The following MUC12 variants were observed in gnomAD, a reference collection of about 807,000 sequenced individuals.
MUC12 encodes mucin 12, cell surface associated, also known as mucin-12.
MUC12 carries 172 observed loss-of-function variants against 230.8 expected under a neutral mutation model. The ratio of observed to expected loss-of-function variants is 0.75; its 90% confidence interval spans 0.66 to 0.85. MUC12 has a LOEUF of 0.85. Ranked by LOEUF, MUC12 falls within the 40% of genes least tolerant of loss-of-function variation. MUC12 has a pLI of 0.00. For synonymous variants in MUC12, 1,259 were observed against 2,401.9 expected (o/e 0.52, Z 13.91); for missense variants, 3,506 against 5,920.6 (o/e 0.59, Z 13.38).
At chr7:100,984,103 T>C (rs1264006595) in intron 1 of MUC12, among the ~76,000 whole-genome samples, 9 of 152,144 alleles carry the variant, frequency 5.9e-5, no homozygotes, top group Admixed American at 5.9e-4. Context: ...GATGGCACCA[T>C]GCTCTTGGTG....
Position 101,018,863 on chromosome 7 carries a change from G to C in MUC12, c.*227G>C. The C allele has an allele frequency of 2.1e-6, 1 of 477,258 alleles. No individual in the cohort carries two copies. The highest frequency in any genetic ancestry group is 4.2e-5 in the South Asian group (1 of 24,020). The allele number at this position is 477,258 out of a possible 1,614,324, so 29.6% of individuals were successfully genotyped here. Reference sequence around the variant, plus strand: ...GAGCTTCCAGACTCCCAGAAGCCTCGGCACCCCTGTCTCCTCCTGGGTGGC... The same window carrying C: ...GAGCTTCCAGACTCCCAGAAGCCTCCGCACCCCTGTCTCCTCCTGGGTGGC... On this transcript the variant is annotated 3_prime_UTR_variant, in exon 12 of 12. Coordinates refer to ENST00000536621, the MANE Select transcript of MUC12 (RefSeq NM_001164462.2).
chr7:100,970,297 G>A (rs1792844838), intron 1 of MUC12, among the ~76,000 whole-genome samples: 1 of 152,170 alleles, frequency 6.6e-6, no homozygotes, highest in African/African-American at 2.4e-5. Context: ...GTCCAGCCTG[G>A]CTAACATGGT....
chr7:101,017,793 G>C lies in MUC12; in HGVS notation c.15966+130G>C, dbSNP rs1793960196. 5 of 571,508 alleles carry C rather than the reference G, an allele frequency of 8.7e-6. No homozygotes were observed. The East Asian group carries it at 1.6e-4, about 19-fold the overall frequency. 35.4% of individuals were successfully genotyped at this position (571,508 alleles called of 1,614,324 possible). On this transcript the variant is annotated intron_variant, in intron 11 of 11. Transcript: ENST00000536621. ...CCTGGGACTCCCTCCCTTCCCCCTG[G>C]GACCCCTTCCCTTTCCCTTCCCCCT... is the stretch of plus-strand genomic sequence containing the variant.
At chr7:101,010,305 G>A (rs1470545351) in intron 5 of MUC12, among the ~76,000 whole-genome samples, 10 of 152,196 alleles carry the variant, frequency 6.6e-5, no homozygotes, top group African/African-American at 1.4e-4. Flanking sequence ...GAGTGGTTGC[G>A]TGATGCAGCA....
chr7:101,003,668 T>C lies in MUC12; in HGVS notation c.13105T>C (p.Ser4369Pro), dbSNP rs1467617939. The change falls in exon 2 of 12, where the codon TCT (serine) becomes CCT (proline). Residue 4369 changes from serine to proline, a missense_variant. By Grantham distance (74) the Ser-to-Pro change is moderately conservative. Transcript: ENST00000536621. ...GAGCTCAACTCCAACAACCCACTTT[T>C]CTGCCAGCTCCACAACATTGGGCCG... Reference protein sequence around the residue: ...SPSSTPTTHFSASSTTLGRSE... With the variant: ...SPSSTPTTHFPASSTTLGRSE... 2 of 1,429,270 alleles carry C rather than the reference T, an allele frequency of 1.4e-6. No individual in the cohort carries two copies. Among genetic ancestry groups the C allele is most frequent in the African/African-American group, 1.9e-5 (1 of 53,628 alleles). 88.5% of individuals were successfully genotyped at this position (1,429,270 alleles called of 1,614,324 possible).
At chr7:100,989,958 G>C (rs374961610) in intron 1 of MUC12, among the ~76,000 whole-genome samples, 3 of 152,272 alleles carry the variant, frequency 2.0e-5, no homozygotes, top group African/African-American at 7.2e-5. Flanking sequence ...CTCCCAAAGT[G>C]TTGGGATTAT....
chr7:101,015,644 G>T lies in MUC12; in HGVS notation c.15830G>T (p.Arg5277Leu). 2 of 1,537,662 alleles carry T rather than the reference G, an allele frequency of 1.3e-6. No homozygotes were observed. The highest frequency in any genetic ancestry group is 8.7e-7 in the Non-Finnish European group (1 of 1,146,994). The part of the protein sequence containing the change: ...REQYDVPQEW[R>L]KEGTPGIFQK... ...CAGTATGATGTGCCTCAAGAGTGGC[G>T]AAAGGAAGGCACCCCTGGCATCTTC... Residue 5277 changes from arginine (R) to leucine (L), a missense_variant, in exon 10 of 12, where the codon CGA (arginine) becomes CTA (leucine). Coordinates refer to ENST00000536621, the MANE Select transcript of MUC12 (RefSeq NM_001164462.2).
At chr7:101,013,202 C>T in intron 8 of MUC12, 60 bp downstream of exon 8, 3 of 1,518,146 alleles carry the variant, frequency 2.0e-6, no homozygotes, top group Non-Finnish European at 2.6e-6. Flanking sequence ...CTCCCCCTCC[C>T]CAGCAGTCAC....
intron 1 of MUC12, among the ~76,000 whole-genome samples, chr7:100,974,996 G>A (rs1051434653): frequency 1.3e-5 from 2 of 152,308 alleles, no homozygotes; most frequent in Non-Finnish European, 2.9e-5. Context: ...GGGAGGACAG[G>A]AGCCTCTCTT....
chr7:100,972,139 C>A, intron 1 of MUC12: 1 of 703,560 alleles, frequency 1.4e-6, no homozygotes, highest in Non-Finnish European at 2.6e-6. Context: ...GTTCACAAAG[C>A]CATTTCCCAG....
In MUC12 at chr7:101,005,195, T is replaced by C. The variant is rs58734835; in HGVS notation, c.14632T>C (p.Ser4878Pro). 6.0e-3 allele frequency: 9,173 copies of C among 1,537,756 alleles called. 490 individuals carry two copies. The African/African-American group carries it at 0.11, about 19-fold the overall frequency. ...SNTMSIHSQQSTPFPDSPGFT... is the reference protein window; with the variant it reads ...SNTMSIHSQQPTPFPDSPGFT... Reference sequence around the variant, plus strand: ...CACAATGTCCATTCATAGTCAACAATCTACACCCTTCCCTGACAGCCCAGG... The same window carrying C: ...CACAATGTCCATTCATAGTCAACAACCTACACCCTTCCCTGACAGCCCAGG... The change falls in exon 2 of 12, where the codon TCT (serine) becomes CCT (proline). Residue 4878 changes from serine to proline, a missense_variant. Ser to Pro is a moderately conservative substitution (Grantham distance 74). Transcript: ENST00000536621.
chr7:101,004,838 A>G lies in MUC12; in HGVS notation c.14275A>G (p.Ser4759Gly). Reference sequence around the variant, plus strand: ...AACACTCTCACCTGCCAGCATGACAAGCTCCAGCATCAGTGGAGAACCCAC... The same window carrying G: ...AACACTCTCACCTGCCAGCATGACAGGCTCCAGCATCAGTGGAGAACCCAC... ...DQTLSPASMT[S>G]SSISGEPTSL... Residue 4759 changes from serine (S) to glycine (G), a missense_variant, in exon 2 of 12, where the codon AGC (serine) becomes GGC (glycine). By Grantham distance (56) the Ser-to-Gly change is moderately conservative. Transcript: ENST00000536621. 1 of 1,537,144 alleles carries G rather than the reference A, an allele frequency of 6.5e-7. No homozygotes were observed. The highest frequency in any genetic ancestry group is 1.2e-5 in the South Asian group (1 of 84,026).
At chr7:100,982,447 T>C (rs1793123811) in intron 1 of MUC12, among the ~76,000 whole-genome samples, 1 of 151,818 alleles carries the variant, frequency 6.6e-6, no homozygotes, top group South Asian at 2.1e-4. Context: ...TTTCTTTTTT[T>C]TTTTTTAGAA....
rs537681736 is a variant in MUC12, at chr7:101,008,654, G to A, written c.15079G>A (p.Ala5027Thr). The A allele has an allele frequency of 6.2e-5, 95 of 1,537,198 alleles. No homozygotes were observed. In the South Asian group the frequency reaches 6.7e-4, roughly 11 times the overall value. ...FPVETPEKLN[A>T]TLGMTVKVTY... is the part of the protein sequence containing the mutation. ...CACAGAAACCCCGGAAAAACTCAAC[G>A]CCACTTTAGGTATGACAGTGAAAGT... Residue 5027 changes from alanine (A) to threonine (T), a missense_variant, in exon 4 of 12, where the codon GCC becomes ACC. By Grantham distance (58) the Ala-to-Thr change is moderately conservative. Coordinates refer to ENST00000536621, the MANE Select transcript of MUC12 (RefSeq NM_001164462.2).
At chr7:100,984,929 C>T (rs1371201382) in intron 1 of MUC12, among the ~76,000 whole-genome samples, 9 of 152,108 alleles carry the variant, frequency 5.9e-5, no homozygotes, top group African/African-American at 1.7e-4. Context: ...CAGTGGCTCA[C>T]GATCTCGGCT....
rs1256039845 is a variant in MUC12, at chr7:100,991,709, T to C, written c.1146T>C (p.His382=). Residue 382 remains histidine (H), a synonymous_variant, in exon 2 of 12, where the codon CAT becomes CAC. Coordinates refer to ENST00000536621, the MANE Select transcript of MUC12 (RefSeq NM_001164462.2). ...CTGAAAGCTCCACAACTTCAGGCCA[T>C]AGTGAAGAATCAGCAACTTTCCACG... ...HFPESSTTSG[H]SEESATFHGS... 1.3e-6 allele frequency: 2 copies of C among 1,537,980 alleles called. No homozygotes were observed. The highest frequency in any genetic ancestry group is 3.9e-5 in the Admixed American group (2 of 51,006).
In MUC12 at chr7:101,012,422, T is replaced by C; in HGVS notation, c.15378T>C (p.Thr5126=). Residue 5126 remains threonine, a synonymous_variant, in exon 6 of 12, where the codon ACT becomes ACC. Coordinates refer to ENST00000536621, the MANE Select transcript of MUC12 (RefSeq NM_001164462.2). ...KAKIMNETRT[T]LLDPDSCRKA... is the part of the protein sequence containing the mutation. Reference sequence around the variant, plus strand: ...AGATTATGAATGAAACTAGAACAACTCTTCTTGATCCTGATTCCTGCAGAA... The same window carrying C: ...AGATTATGAATGAAACTAGAACAACCCTTCTTGATCCTGATTCCTGCAGAA... 6.5e-7 allele frequency: 1 copy of C among 1,537,810 alleles called. No individual in the cohort carries two copies.
chr7:100,981,971 A>T (rs553115878), intron 1 of MUC12, among the ~76,000 whole-genome samples: 1 of 149,722 alleles, frequency 6.7e-6, no homozygotes, highest in South Asian at 2.1e-4. Flanking sequence ...GGTTCAAGCG[A>T]TTCTCCTGCC....
Position 101,015,656 on chromosome 7 carries a change from C to T in MUC12, c.15842C>T (p.Thr5281Ile). 3.9e-6 allele frequency: 6 copies of T among 1,537,700 alleles called. No homozygotes were observed. The highest frequency in any genetic ancestry group is 2.4e-5 in the East Asian group (1 of 40,918). ...CCTCAAGAGTGGCGAAAGGAAGGCA[C>T]CCCTGGCATCTTCCAGAAGACGGCC... ...DVPQEWRKEG[T>I]PGIFQKTAIW... Residue 5281 changes from threonine to isoleucine, a missense_variant, in exon 10 of 12, where the codon ACC (threonine) becomes ATC (isoleucine). Coordinates refer to ENST00000536621, the MANE Select transcript of MUC12 (RefSeq NM_001164462.2).
Sources: allele counts gnomAD v4.1 joint callset (sites outside exome capture counted in the v4.1 genomes callset), GRCh38; gene constraint gnomAD v4.1.1; transcripts MANE v1.5; gene names NCBI Gene and HGNC (gene_info 2026-07-23, HGNC 2026-07-21).